Variants in UNC13B observed in about 807,000 individuals in gnomAD.
UNC13B encodes protein unc-13 homolog B.
A neutral mutation model predicts 211.0 loss-of-function variants in UNC13B; 144 were observed. The ratio of observed to expected loss-of-function variants is 0.68; its 90% CI spans 0.60 to 0.78. The LOEUF is 0.78. Among genes scored for constraint, UNC13B ranks in the 30% least tolerant of loss-of-function variants. UNC13B has a pLI of 0.00. For missense variants in UNC13B, 1,777 were observed against 2,002.0 expected (o/e 0.89, Z 2.14); for synonymous variants, 709 against 725.8 (o/e 0.98, Z 0.37).
intron 11 of UNC13B, among the ~76,000 whole-genome samples, chr9:35,363,292 A>G (rs10972446): frequency 0.082 from 12,516 of 152,174 alleles, 1,718 homozygotes; most frequent in African/African-American, 0.28. Flanking sequence ...ACATGGTTGT[A>G]GAATATATTT....
At position 35,399,128 on chromosome 9, in the gene UNC13B, C is replaced by T. The variant is rs760482839; in HGVS notation, c.12075-33C>T. 1.1e-4 allele frequency: 174 copies of T among 1,614,182 alleles called. 2 individuals are homozygous for T. In the South Asian group the frequency reaches 1.8e-3, roughly 17 times the overall value. ...TTGGGGAGAGGGGTTCTCAAACTCT[C>T]ACCCTGGTCTCACCTGTTGCCTGGA... On this transcript the variant is annotated intron_variant, in intron 33 of 39. Coordinates refer to ENST00000635942, the MANE Select transcript of UNC13B (RefSeq NM_001371189.2).
chr9:35,386,748 G>C (rs1587748042), intron 24 of UNC13B, among the ~76,000 whole-genome samples: 1 of 152,186 alleles, frequency 6.6e-6, no homozygotes, highest in East Asian at 1.9e-4. Flanking sequence ...GAAATGTGTG[G>C]TTCTTCTGGG....
rs1833811110 is a variant in UNC13B at position 35,366,952 on chromosome 9, A to C, written c.9420A>C (p.Pro3140=). Residue 3140 remains proline (P), a synonymous_variant, in exon 12 of 40, where the codon CCA becomes CCC. Transcript: ENST00000635942. ...TKVRLQLQEI[P]DDGDPSLPQW... The stretch of plus-strand genomic sequence containing the variant: ...TTTCCTATCTCTTTTTAAAGATTCC[A>C]GATGATGGTGACCCCTCTCTGCCTC... 3 of 1,613,728 alleles carry C rather than the reference A, an allele frequency of 1.9e-6. No homozygotes were observed. The South Asian group carries it at 3.3e-5, about 18-fold the overall frequency.
At chr9:35,194,515 A>G (rs1822834262) in intron 1 of UNC13B, among the ~76,000 whole-genome samples, 1 of 152,204 alleles carries the variant, frequency 6.6e-6, no homozygotes, top group Non-Finnish European at 1.5e-5. Context: ...CATGGCCAAC[A>G]TGCCCAGCAA....
intron 11 of UNC13B, among the ~76,000 whole-genome samples, chr9:35,340,210 C>T (rs942348958): frequency 6.6e-6 from 1 of 152,158 alleles, no homozygotes; most frequent in East Asian, 1.9e-4. Context: ...GGCCTTATCT[C>T]TTCTGTCATC....
At chr9:35,340,724 G>A (rs1469509542) in intron 11 of UNC13B, among the ~76,000 whole-genome samples, 1 of 152,158 alleles carries the variant, frequency 6.6e-6, no homozygotes, top group Non-Finnish European at 1.5e-5. Context: ...AGTCAGAAGA[G>A]GAATGACTTC....
chr9:35,351,264 C>G, intron 11 of UNC13B: 1 of 1,141,228 alleles, frequency 8.8e-7, no homozygotes, highest in Non-Finnish European at 1.1e-6. Context: ...TACTTTCTGA[C>G]CTGAGTGCAC....
At chr9:35,395,900 C>T (rs911289266) in intron 26 of UNC13B, among the ~76,000 whole-genome samples, 1 of 152,166 alleles carries the variant, frequency 6.6e-6, no homozygotes, top group African/African-American at 2.4e-5. Flanking sequence ...TTCAATGTCT[C>T]AGCTCTGCCC....
At chr9:35,370,606 A>C (rs944638008) in intron 13 of UNC13B, among the ~76,000 whole-genome samples, 7 of 152,236 alleles carry the variant, frequency 4.6e-5, no homozygotes, top group African/African-American at 1.4e-4. Context: ...TTATTAGCTC[A>C]AGCTCCTACC....
At chr9:35,175,608 A>G (rs933928103) in intron 1 of UNC13B, among the ~76,000 whole-genome samples, 2 of 151,692 alleles carry the variant, frequency 1.3e-5, no homozygotes, top group Non-Finnish European at 2.9e-5. Flanking sequence ...CATTTGGGTA[A>G]TGTGAGGGCA....
chr9:35,212,548 G>T (rs1250676518), intron 1 of UNC13B, among the ~76,000 whole-genome samples: 1 of 152,166 alleles, frequency 6.6e-6, no homozygotes, highest in East Asian at 1.9e-4. Context: ...ACTCCATCCT[G>T]GGTGACAGAG....
rs369613302 is a variant in UNC13B at position 35,403,974 on chromosome 9, G to A, written c.12964G>A (p.Val4322Met). ...RILSQRSNDEVAREFVKLKSE... is the reference protein window; with the variant it reads ...RILSQRSNDEMAREFVKLKSE... ...TTTATCTCAGAGGAGCAATGACGAGGTGGCCCGAGAATTTGTGAAACTCAA... is the reference window on the plus strand; with the variant it reads ...TTTATCTCAGAGGAGCAATGACGAGATGGCCCGAGAATTTGTGAAACTCAA... The change falls in exon 40 of 40, where the codon GTG (valine) becomes ATG (methionine). Residue 4322 changes from valine (V) to methionine (M), a missense_variant. Coordinates refer to ENST00000635942, the MANE Select transcript of UNC13B (RefSeq NM_001371189.2). 1.4e-5 allele frequency: 22 copies of A among 1,613,984 alleles called. No homozygotes were observed. Among genetic ancestry groups the A allele is most frequent in the Non-Finnish European group, 1.8e-5 (21 of 1,180,036 alleles).
intron 5 of UNC13B, among the ~76,000 whole-genome samples, chr9:35,241,056 C>CAAA (rs10629111): frequency 0.41 from 54,436 of 132,852 alleles, 12,665 homozygotes; most frequent in African/African-American, 0.6. Context: ...GACTCTGTCT[C>CAAA]AAAAAAAAAA....
chr9:35,333,172 A>G (rs1831464970), intron 11 of UNC13B, among the ~76,000 whole-genome samples: 1 of 152,250 alleles, frequency 6.6e-6, no homozygotes, highest in Non-Finnish European at 1.5e-5. Flanking sequence ...GAAAAATAGC[A>G]TTAAAATACA....
chr9:35,251,866 A>G (rs1026190427), intron 6 of UNC13B, among the ~76,000 whole-genome samples: 1 of 151,872 alleles, frequency 6.6e-6, no homozygotes, highest in African/African-American at 2.4e-5. Context: ...TTATTTTTGT[A>G]TTTTTTGTAG....
chr9:35,212,653 A>G (rs1824035055), intron 1 of UNC13B, among the ~76,000 whole-genome samples: 1 of 152,222 alleles, frequency 6.6e-6, no homozygotes, highest in Non-Finnish European at 1.5e-5. Context: ...ACATGACCTC[A>G]AACCCTTGTA....
intron 11 of UNC13B, among the ~76,000 whole-genome samples, chr9:35,354,307 A>G (rs1832895273): frequency 6.6e-6 from 1 of 152,198 alleles, no homozygotes; most frequent in Admixed American, 6.5e-5. Context: ...CCATTTCCCC[A>G]GTAGCTGATG....
At chr9:35,386,612 A>T (rs973258868) in intron 24 of UNC13B, among the ~76,000 whole-genome samples, 1 of 152,068 alleles carries the variant, frequency 6.6e-6, no homozygotes, top group African/African-American at 2.4e-5. Context: ...TTCTCCCTCA[A>T]GTTTAACTTT....
At chr9:35,163,282 G>C (rs1454755433) in intron 1 of UNC13B, among the ~76,000 whole-genome samples, 1 of 152,152 alleles carries the variant, frequency 6.6e-6, no homozygotes, top group Non-Finnish European at 1.5e-5. Flanking sequence ...TTTTACTGGA[G>C]AGTTCATATT....
Sources: gnomAD v4.1 joint callset for allele counts (sites outside exome capture counted in the v4.1 genomes callset) on GRCh38, gnomAD v4.1.1 for gene constraint, MANE v1.5 for transcripts, NCBI Gene and HGNC (gene_info 2026-07-23, HGNC 2026-07-21) for gene names.